Variants in KANK1 observed in about 807,000 individuals in gnomAD.
The protein encoded by KANK1 is KN motif and ankyrin repeat domain-containing protein 1.
Under a neutral mutation model 106.2 loss-of-function variants are expected in KANK1, and 109 were observed. The observed-to-expected ratio is 1.03, with a 90% CI of 0.88 to 1.20. The LOEUF (loss-of-function observed/expected upper bound fraction) is 1.20, where lower values mean the gene tolerates loss of function less well. Among genes scored for constraint, KANK1 ranks in the 50% most tolerant of loss-of-function variants. The probability of loss-of-function intolerance (pLI) is 0.00; values close to 1 mark genes in which losing one functional copy is unlikely to be tolerated. For missense variants in KANK1, 2,399 were observed against 1,710.7 expected (o/e 1.40, Z -7.10); for synonymous variants, 873 against 652.2 (o/e 1.34, Z -5.16).
At chr9:729,479 AG>A (rs1453753054) in intron 3 of KANK1, among the ~76,000 whole-genome samples, 1 of 152,236 alleles carries the variant, frequency 6.6e-6, no homozygotes, top group Non-Finnish European at 1.5e-5. Context: ...GCATGCTGCC[AG>A]GAAACAAGAG....
At chr9:522,998 AG>A (rs2059618793) in intron 1 of KANK1, among the ~76,000 whole-genome samples, 1 of 151,692 alleles carries the variant, frequency 6.6e-6, no homozygotes, top group African/African-American at 2.4e-5. Context: ...ATCATCTGTA[AG>A]GTCTCAGTTC....
chr9:548,529 G>T (rs2061073860), intron 1 of KANK1, among the ~76,000 whole-genome samples: 1 of 152,120 alleles, frequency 6.6e-6, no homozygotes, highest in Non-Finnish European at 1.5e-5. Context: ...TTTAAGAAAA[G>T]AAAGCAGACA....
chr9:599,651 ATGCAGGTCCACG>A (rs1297093346), intron 1 of KANK1, among the ~76,000 whole-genome samples: 1 of 151,842 alleles, frequency 6.6e-6, no homozygotes, highest in Non-Finnish European at 1.5e-5. Context: ...GTCCACTTAT[ATGCAGGTCCACG>A]TGCAGGTCTG....
At chr9:496,749 C>T (rs992839005) in intron 3 of KANK1, among the ~76,000 whole-genome samples, 2 of 151,934 alleles carry the variant, frequency 1.3e-5, no homozygotes, top group Non-Finnish European at 2.9e-5. Flanking sequence ...TATTTTTGTC[C>T]TTTATGAAGC....
At chr9:498,436 G>A (rs1000969618) in intron 3 of KANK1, among the ~76,000 whole-genome samples, 3 of 152,136 alleles carry the variant, frequency 2.0e-5, no homozygotes, top group Non-Finnish European at 4.4e-5. Context: ...AAAGGAGGGA[G>A]AGGAAAGGTT....
chr9:592,744 C>A (rs1322182367), intron 1 of KANK1, among the ~76,000 whole-genome samples: 24 of 151,880 alleles, frequency 1.6e-4, no homozygotes, highest in Admixed American at 1.6e-3. Context: ...AAATTAATTT[C>A]TTTCCCAAAT....
At chr9:715,195 A>T (rs1408562073) in intron 3 of KANK1, among the ~76,000 whole-genome samples, 1 of 152,206 alleles carries the variant, frequency 6.6e-6, no homozygotes, top group Non-Finnish European at 1.5e-5. Context: ...GCCTTTTAGA[A>T]TCCAAAGAGT....
At chr9:692,330 C>T (rs922453145) in intron 2 of KANK1, among the ~76,000 whole-genome samples, 8 of 75,704 alleles carry the variant, frequency 1.1e-4, no homozygotes, top group Non-Finnish European at 2.5e-4. Context: ...AAGACCATGG[C>T]ACTTATTTGG....
At chr9:734,884 G>A (rs755945536) in intron 7 of KANK1, 49 bp downstream of exon 7, 2 of 1,382,734 alleles carry the variant, frequency 1.4e-6, no homozygotes, top group South Asian at 1.2e-5. Context: ...AAGTGCATGA[G>A]TGGGTTCATT....
intron 2 of KANK1, among the ~76,000 whole-genome samples, chr9:701,103 T>C (rs1254228466): frequency 1.3e-5 from 2 of 152,138 alleles, no homozygotes; most frequent in African/African-American, 4.8e-5. Flanking sequence ...CAATAGGAAA[T>C]GAAAGACTTG....
intron 2 of KANK1, among the ~76,000 whole-genome samples, chr9:704,198 C>T (rs1230461750): frequency 6.6e-6 from 1 of 152,088 alleles, no homozygotes; most frequent in African/African-American, 2.4e-5. Context: ...TAAACAAGAC[C>T]CAAAACAAAC....
chr9:603,976 A>C (rs1828441428), intron 1 of KANK1, among the ~76,000 whole-genome samples: 1 of 150,484 alleles, frequency 6.6e-6, no homozygotes, highest in Non-Finnish European at 1.5e-5. Context: ...AAAAAAAAAA[A>C]GTAAAATTAT....
chr9:635,792 G>A (rs777827655), intron 1 of KANK1, among the ~76,000 whole-genome samples: 4 of 134,122 alleles, frequency 3.0e-5, no homozygotes, highest in South Asian at 2.3e-4. Context: ...TCTGCTTCCC[G>A]GGTTCAGGTG....
At chr9:598,906 A>G (rs774905060) in intron 1 of KANK1, among the ~76,000 whole-genome samples, 12 of 149,972 alleles carry the variant, frequency 8.0e-5, no homozygotes, top group Non-Finnish European at 1.6e-4. Context: ...TGCTAGAATT[A>G]CGGGCATGAG....
intron 1 of KANK1, among the ~76,000 whole-genome samples, chr9:634,844 A>C (rs1166621202): frequency 6.6e-6 from 1 of 152,172 alleles, no homozygotes; most frequent in African/African-American, 2.4e-5. Context: ...TGATATCATT[A>C]GGGGCCCAGG....
intron 1 of KANK1, among the ~76,000 whole-genome samples, chr9:617,188 T>C (rs1832051572): frequency 6.6e-6 from 1 of 152,164 alleles, no homozygotes; most frequent in Non-Finnish European, 1.5e-5. Context: ...ATTTGAACTG[T>C]CCTTAATGTT....
intron 1 of KANK1, among the ~76,000 whole-genome samples, chr9:551,184 G>C (rs2061259107): frequency 1.3e-5 from 2 of 151,476 alleles, no homozygotes; most frequent in South Asian, 4.2e-4. Flanking sequence ...CTGTTGCCTG[G>C]GGCTTTTCGC....
chr9:739,451 A>T (rs1380741403), intron 8 of KANK1, among the ~76,000 whole-genome samples: 1 of 152,206 alleles, frequency 6.6e-6, no homozygotes, highest in Admixed American at 6.5e-5. Flanking sequence ...AAGCAGATTT[A>T]TCCTTCCTTT....
At chr9:680,375 C>G (rs183727494) in intron 2 of KANK1, among the ~76,000 whole-genome samples, 8 of 152,134 alleles carry the variant, frequency 5.3e-5, no homozygotes, top group African/African-American at 1.7e-4. Flanking sequence ...TATACTCTGA[C>G]TTCCCCTTGG....
Sources: allele counts gnomAD v4.1 joint callset (sites outside exome capture counted in the v4.1 genomes callset), GRCh38; gene constraint gnomAD v4.1.1; transcripts MANE v1.5; gene names NCBI Gene and HGNC (gene_info 2026-07-23, HGNC 2026-07-21).